Variants in TANC1 observed in about 807,000 individuals in gnomAD.
TANC1 encodes the protein protein TANC1.
Under a neutral mutation model 149.7 loss-of-function variants are expected in TANC1, and 77 were observed. The observed-to-expected ratio is 0.51, with a 90% CI of 0.43 to 0.62. The LOEUF is 0.62. Ranked by LOEUF, TANC1 falls within the 20% of genes least tolerant of loss-of-function variation. TANC1 has a pLI of 0.00. For synonymous variants in TANC1, 854 were observed against 925.0 expected (o/e 0.92, Z 1.39); for missense variants, 1,985 against 2,321.8 (o/e 0.85, Z 2.98).
chr2:159,070,256 AAAG>A (rs1396551185), intron 3 of TANC1, among the ~76,000 whole-genome samples: 5 of 151,418 alleles, frequency 3.3e-5, no homozygotes, highest in Non-Finnish European at 7.4e-5. Flanking sequence ...CCCAATTTTT[AAAG>A]AAGACTTTTT....
rs2149328086 is a variant in TANC1 at position 159,001,587 on chromosome 2, AAAC to A, written c.-16+399_-16+401del. 6.6e-6 allele frequency among the ~76,000 whole-genome samples: 1 copy of A among 152,344 alleles called. No individual in the cohort carries two copies. Among genetic ancestry groups the A allele is most frequent in the African/African-American group, 2.4e-5 (1 of 41,576 alleles). On this transcript the variant is annotated intron_variant, in intron 2 of 26. Coordinates refer to ENST00000263635, the MANE Select transcript of TANC1 (RefSeq NM_033394.3). This position sits in a 1 kb window ranked among gnomAD's most constrained non-coding sequence, Gnocchi z 4.3. ...GGAGTAATAATCACTACCATTTATG[AAAC>A]CCTTTCCTGGTTCATTGTCACTTAT...
chr2:159,025,189 T>TTTTCTC (rs2039185631), intron 2 of TANC1, among the ~76,000 whole-genome samples: 1 of 105,222 alleles, frequency 9.5e-6, no homozygotes, highest in African/African-American at 3.6e-5. Flanking sequence ...TTTTTCTTTC[T>TTTTCTC]TTTCTTTCTT....
chr2:159,042,178 C>T (rs2040696437), intron 2 of TANC1, among the ~76,000 whole-genome samples: 1 of 152,178 alleles, frequency 6.6e-6, no homozygotes, highest in Non-Finnish European at 1.5e-5. Flanking sequence ...CCTCATTAAA[C>T]AGACTTAGGA....
chr2:159,198,020 T>C (rs1412332878), intron 18 of TANC1, among the ~76,000 whole-genome samples: 2 of 152,200 alleles, frequency 1.3e-5, no homozygotes, highest in African/African-American at 4.8e-5. Flanking sequence ...CTCCTTGCTT[T>C]TTCTCAATTC....
intron 4 of TANC1, among the ~76,000 whole-genome samples, chr2:159,135,240 T>C (rs2050544075): frequency 1.3e-5 from 2 of 152,272 alleles, no homozygotes; most frequent in Admixed American, 1.3e-4. Flanking sequence ...CAGAATGTTT[T>C]CAAGCTTCAT....
intron 2 of TANC1, among the ~76,000 whole-genome samples, chr2:159,053,166 T>C (rs2041595426): frequency 1.3e-5 from 2 of 152,146 alleles, no homozygotes; most frequent in African/African-American, 4.8e-5. Flanking sequence ...TGGCCTTTGT[T>C]TTCTAGCATG....
intron 4 of TANC1, among the ~76,000 whole-genome samples, chr2:159,115,648 G>A (rs1266368761): frequency 1.3e-5 from 2 of 152,132 alleles, no homozygotes; most frequent in Middle Eastern, 3.2e-3. Flanking sequence ...AGAGCTGAGA[G>A]AATCCATATC....
chr2:159,002,353 G>C (rs2036689190), intron 2 of TANC1, among the ~76,000 whole-genome samples: 1 of 152,128 alleles, frequency 6.6e-6, no homozygotes, highest in Non-Finnish European at 1.5e-5. Flanking sequence ...ACGTAGGGAG[G>C]GGGTGGCAGT....
chr2:159,151,066 A>G (rs1293579875), intron 7 of TANC1, among the ~76,000 whole-genome samples: 2 of 152,188 alleles, frequency 1.3e-5, no homozygotes, highest in African/African-American at 4.8e-5. Context: ...CACCCACGTA[A>G]TAAGTGTGGT....
intron 3 of TANC1, among the ~76,000 whole-genome samples, chr2:159,068,185 C>G (rs1253673005): frequency 3.9e-5 from 6 of 152,182 alleles, no homozygotes; most frequent in Non-Finnish European, 8.8e-5. Context: ...GGGGGAAATA[C>G]TTGGAATTTG....
chr2:159,207,696 T>C (rs1416744499), intron 19 of TANC1, among the ~76,000 whole-genome samples: 1 of 19,518 alleles, frequency 5.1e-5, no homozygotes, highest in African/African-American at 2.9e-4. Flanking sequence ...AACACGTGTC[T>C]CAAAAAAAAA....
rs76341741 is a variant in TANC1, at chr2:158,994,219, G to A, written c.-125-6861G>A. On this transcript the variant is annotated intron_variant, in intron 1 of 26. Transcript: ENST00000263635. ...CTCTTTTTGGGGTGAGAGGTGGTGC[G>A]TAGGAGCAGAGAAGGGATATATAGG... Among the ~76,000 whole-genome samples, 348 of 152,276 alleles carry A rather than the reference G, an allele frequency of 2.3e-3. 2 individuals are homozygous for A. The highest frequency in any genetic ancestry group is 7.5e-3 in the African/African-American group (312 of 41,570).
intron 16 of TANC1, among the ~76,000 whole-genome samples, chr2:159,193,197 C>G (rs555756713): frequency 6.6e-6 from 1 of 152,298 alleles, no homozygotes; most frequent in Admixed American, 6.5e-5. Context: ...CTGTATATAT[C>G]TCATAAGTAG....
rs55746240 is a variant in TANC1 at position 159,019,653 on chromosome 2, G to GTTTTTTTTTTTTTTTTTTTTTTT, written c.-16+18475_-16+18497dup. Among the ~76,000 whole-genome samples, 4 of 73,304 alleles carry GTTTTTTTTTTTTTTTTTTTTTTT rather than the reference G, an allele frequency of 5.5e-5. 1 individual carries two copies. Among genetic ancestry groups the GTTTTTTTTTTTTTTTTTTTTTTT allele is most frequent in the Admixed American group, 1.8e-4 (1 of 5,542 alleles). The allele number at this position is 73,304 out of a possible 152,430, so 48.1% of individuals were successfully genotyped here. On this transcript the variant is annotated intron_variant, in intron 2 of 26. Transcript: ENST00000263635. ...CCTAACTGCAGCTTGCTTTCTTTCT[G>GTTTTTTTTTTTTTTTTTTTTTTT]TTTTTTTTTTTTTTTTTTTTTTTTT... is the stretch of plus-strand genomic sequence containing the variant.
chr2:159,033,937 A>G (rs569057618), intron 2 of TANC1, among the ~76,000 whole-genome samples: 5 of 152,154 alleles, frequency 3.3e-5, no homozygotes, highest in Admixed American at 6.5e-5. Context: ...GAAAATATGG[A>G]TCCTCAGTAA....
chr2:159,094,769 G>A (rs1559247459), intron 3 of TANC1, among the ~76,000 whole-genome samples: 1 of 143,556 alleles, frequency 7.0e-6, no homozygotes, highest in Non-Finnish European at 1.5e-5. Flanking sequence ...AAGCTTGTGT[G>A]TGTGTGGGGG....
At position 159,230,973 on chromosome 2, in the gene TANC1, A is replaced by T. The variant is rs2060308115; in HGVS notation, c.5547A>T (p.Ala1849=). The T allele has an allele frequency of 6.2e-7, 1 of 1,613,632 alleles. No homozygotes were observed. Among genetic ancestry groups the T allele is most frequent in the African/African-American group, 1.3e-5 (1 of 74,872 alleles). ...SNEAHRSHLT[A]AKPKRSFIES... is the part of the protein sequence containing the mutation. ...AAGCCCACAGGAGCCACCTCACTGC[A>T]GCCAAACCAAAGCGATCATTTATAG... The change falls in exon 27 of 27, where the codon GCA becomes GCT. Residue 1849 remains alanine, a synonymous_variant. Transcript: ENST00000263635. The surrounding 1 kb of genome is among the most constrained non-coding windows in gnomAD (Gnocchi z 4.4).
intron 4 of TANC1, among the ~76,000 whole-genome samples, chr2:159,127,426 G>A (rs986828949): frequency 2.0e-5 from 3 of 152,194 alleles, no homozygotes; most frequent in African/African-American, 7.2e-5. Flanking sequence ...TCTAGAACCA[G>A]AAATACCATT....
chr2:159,071,698 A>C (rs2043168290), intron 3 of TANC1, among the ~76,000 whole-genome samples: 2 of 152,200 alleles, frequency 1.3e-5, no homozygotes, highest in Non-Finnish European at 2.9e-5. Flanking sequence ...GCTTTGTTTT[A>C]TGTAGAAAAT....
Sources: gnomAD v4.1 joint callset for allele counts (sites outside exome capture counted in the v4.1 genomes callset) on GRCh38, gnomAD v4.1.1 for gene constraint, Gnocchi (gnomAD v3.1) non-coding constraint, MANE v1.5 for transcripts, NCBI Gene and HGNC (gene_info 2026-07-23, HGNC 2026-07-21) for gene names.